The following USP47 variants were observed in gnomAD, a reference collection of about 807,000 sequenced individuals.
USP47 encodes the protein ubiquitin carboxyl-terminal hydrolase 47.
Under a neutral mutation model 165.1 loss-of-function variants are expected in USP47, and 35 were observed. The ratio of observed to expected loss-of-function variants is 0.21; its 90% CI spans 0.16 to 0.28. The LOEUF (loss-of-function observed/expected upper bound fraction) is 0.28. USP47 is among the 10% of genes least tolerant of loss of function. The probability of loss-of-function intolerance (pLI) is 1.00; values close to 1 mark genes in which losing one functional copy is unlikely to be tolerated. For synonymous variants in USP47, 531 were observed against 544.5 expected, an observed-to-expected ratio of 0.98 and a Z score of 0.35; for missense variants, 1,277 against 1,607.4, an observed-to-expected ratio of 0.79 and a Z score of 3.52.
At position 11,956,002 on chromosome 11, in the gene USP47, G is replaced by A; in HGVS notation, c.3895G>A (p.Asp1299Asn). ...CDDGAVIFYR[D>N]KTEELMELTD... ...ATGTGATTAATATTTTATATGTAGG[G>A]ATAAAACAGAAGAATTAATGGAATT... The change falls in exon 28 of 28, where the codon GAT (aspartate) becomes AAT (asparagine). Residue 1299 changes from aspartate (D) to asparagine (N), a missense_variant and splice_region_variant. Asp to Asn is a conservative substitution (Grantham distance 23). Coordinates refer to ENST00000527733, the MANE Select transcript of USP47 (RefSeq NM_001282659.2). 1 of 1,557,142 alleles carries A rather than the reference G, an allele frequency of 6.4e-7. No homozygotes were observed. Among genetic ancestry groups the A allele is most frequent in the Non-Finnish European group, 8.6e-7 (1 of 1,157,954 alleles).
chr11:11,954,183 G>A (rs1252364956), intron 25 of USP47, among the ~76,000 whole-genome samples: 1 of 152,154 alleles, frequency 6.6e-6, no homozygotes, highest in Non-Finnish European at 1.5e-5. Flanking sequence ...CCAGGAGGTG[G>A]AGGTTGCAGT....
chr11:11,896,604 A>G lies in USP47; in HGVS notation c.497-993A>G, dbSNP rs1005035190. Among the ~76,000 whole-genome samples the G allele has an allele frequency of 2.1e-4, 32 of 152,178 alleles. 1 individual carries two copies. The highest frequency in any genetic ancestry group is 7.5e-4 in the African/African-American group (31 of 41,428). ...TGTAAGTCATACACATTGCCCTCTCATGTGCATCTGCTGCTGTGCTAAGTA... is the reference window on the plus strand; with the variant it reads ...TGTAAGTCATACACATTGCCCTCTCGTGTGCATCTGCTGCTGTGCTAAGTA... On this transcript the variant is annotated intron_variant, in intron 4 of 27. Coordinates refer to ENST00000527733, the MANE Select transcript of USP47 (RefSeq NM_001282659.2).
At chr11:11,853,611 C>A (rs912484527) in intron 1 of USP47, among the ~76,000 whole-genome samples, 1 of 152,184 alleles carries the variant, frequency 6.6e-6, no homozygotes, top group Non-Finnish European at 1.5e-5. Flanking sequence ...CTGCATACTT[C>A]CATTTCCTTT....
rs757098547 is a variant in USP47 at position 11,922,810 on chromosome 11, C to T, written c.1305C>T (p.Ser435=). ...CHSDQMSNDF[S]NDDGVDEGIC... is the part of the protein sequence containing the mutation. ...GTGATCAGATGAGCAACGATTTCTC[C>T]AATGATGATGGTGTTGATGAAGGAA... The change falls in exon 11 of 28, where the codon TCC becomes TCT. Residue 435 remains serine, a synonymous_variant. Coordinates refer to ENST00000527733, the MANE Select transcript of USP47 (RefSeq NM_001282659.2). The T allele has an allele frequency of 8.7e-6, 14 of 1,611,328 alleles. No individual in the cohort carries two copies. In the South Asian group the frequency reaches 9.9e-5, roughly 11 times the overall value.
chr11:11,946,337 G>C (rs1855837565), intron 20 of USP47, among the ~76,000 whole-genome samples: 1 of 152,146 alleles, frequency 6.6e-6, no homozygotes, highest in Non-Finnish European at 1.5e-5. Flanking sequence ...GAACCAGTTG[G>C]TCATAATCAC....
chr11:11,911,606 T>G (rs1311769997), intron 8 of USP47, among the ~76,000 whole-genome samples: 1 of 151,490 alleles, frequency 6.6e-6, no homozygotes, highest in Non-Finnish European at 1.5e-5. Context: ...CCAAAATACA[T>G]GAAGGAAAAA....
rs754643278 is a variant in USP47, at chr11:11,922,847, A to G, written c.1342A>G (p.Thr448Ala). 1 of 1,610,932 alleles carries G rather than the reference A, an allele frequency of 6.2e-7. No individual in the cohort carries two copies. The highest frequency in any genetic ancestry group is 8.5e-7 in the Non-Finnish European group (1 of 1,178,128). ...TGTTGATGAAGGAATCTGTCTTGAA[A>G]CCAATAGTGGAACTGAAAAGATCTC... is the stretch of plus-strand genomic sequence containing the variant. The part of the protein sequence containing the change: ...DGVDEGICLE[T>A]NSGTEKISKS... Residue 448 changes from threonine to alanine, a missense_variant, in exon 11 of 28, where the codon ACC (threonine) becomes GCC (alanine). Thr to Ala is a moderately conservative substitution (Grantham distance 58). Around this residue, in one of 4 missense-constraint regions of USP47, gnomAD observed 175 missense variants for 295.8 expected, o/e 0.59. Coordinates refer to ENST00000527733, the MANE Select transcript of USP47 (RefSeq NM_001282659.2).
intron 3 of USP47, among the ~76,000 whole-genome samples, chr11:11,888,602 C>T (rs1184835562): frequency 6.6e-6 from 1 of 152,120 alleles, no homozygotes; most frequent in Admixed American, 6.5e-5. Context: ...AACAGATTTA[C>T]AGCTGAATTC....
chr11:11,922,886 G>C lies in USP47; in HGVS notation c.1381G>C (p.Glu461Gln), dbSNP rs773523446. Residue 461 changes from glutamate to glutamine, a missense_variant, in exon 11 of 28, where the codon GAA (glutamate) becomes CAA (glutamine). By Grantham distance (29) the Glu-to-Gln change is conservative. This residue lies in a region of USP47 where 909 missense variants were observed against 1,068.1 expected (regional missense o/e 0.85). Coordinates refer to ENST00000527733, the MANE Select transcript of USP47 (RefSeq NM_001282659.2). Reference sequence around the variant, plus strand: ...TGAAAAGATCTCAAAATCTGGACTTGAAAAGGTACCTTTTATAGTTTGCAT... The same window carrying C: ...TGAAAAGATCTCAAAATCTGGACTTCAAAAGGTACCTTTTATAGTTTGCAT... Reference protein sequence around the residue: ...GTEKISKSGLEKNSLIYELFS... With the variant: ...GTEKISKSGLQKNSLIYELFS... 2 of 1,608,936 alleles carry C rather than the reference G, an allele frequency of 1.2e-6. No individual in the cohort carries two copies. The highest frequency in any genetic ancestry group is 1.7e-6 in the Non-Finnish European group (2 of 1,177,086).
intron 13 of USP47, 53 bp downstream of exon 13, chr11:11,930,173 C>T (rs1854558133): frequency 6.7e-7 from 1 of 1,491,316 alleles, no homozygotes; most frequent in Non-Finnish European, 9.3e-7. Context: ...ATTATAGCTT[C>T]TCAGTGTTTT....
intron 5 of USP47, among the ~76,000 whole-genome samples, chr11:11,898,004 A>G (rs1363700746): frequency 1.3e-5 from 2 of 152,114 alleles, no homozygotes; most frequent in Admixed American, 1.3e-4. Flanking sequence ...TGCTTTTGAG[A>G]GAATTCGAAT....
At chr11:11,912,618 C>A (rs1437154076) in intron 8 of USP47, among the ~76,000 whole-genome samples, 1 of 151,714 alleles carries the variant, frequency 6.6e-6, no homozygotes, top group Non-Finnish European at 1.5e-5. Flanking sequence ...ACAGTGAACA[C>A]CAGGTCTGTA....
At chr11:11,842,301 T>A in intron 1 of USP47, 77 bp downstream of exon 1, 1 of 1,491,758 alleles carries the variant, frequency 6.7e-7, no homozygotes, top group Non-Finnish European at 9.0e-7. Context: ...GGGGTTCGGC[T>A]GCGGGCCCGG....
At chr11:11,933,690 G>T in intron 15 of USP47, 141 bp from the exon 16 acceptor site, 1 of 576,596 alleles carries the variant, frequency 1.7e-6, no homozygotes, top group Non-Finnish European at 3.0e-6. Flanking sequence ...ATTACTAAGT[G>T]AGAAAGAATA....
intron 1 of USP47, among the ~76,000 whole-genome samples, chr11:11,858,102 T>C (rs568230789): frequency 6.6e-6 from 1 of 152,364 alleles, no homozygotes; most frequent in South Asian, 2.1e-4. Flanking sequence ...TAGCCGCTGC[T>C]GGTGCAGTTC....
intron 3 of USP47, among the ~76,000 whole-genome samples, chr11:11,889,716 A>G (rs985176376): frequency 2.6e-5 from 4 of 152,216 alleles, no homozygotes; most frequent in Non-Finnish European, 5.9e-5. Flanking sequence ...TTTAAAATTC[A>G]TATGGAACCA....
In USP47 at chr11:11,843,463, T is replaced by G. The variant is rs374853025; in HGVS notation, c.39+1239T>G. On this transcript the variant is annotated intron_variant, in intron 1 of 27. Coordinates refer to ENST00000527733, the MANE Select transcript of USP47 (RefSeq NM_001282659.2). ...AATCAGAATTCTTGCCTTGGGAACT[T>G]TCTGAGCTACTAAGAAAGGGAACAC... Among the ~76,000 whole-genome samples, 26 of 152,320 alleles carry G rather than the reference T, an allele frequency of 1.7e-4. No individual in the cohort carries two copies. The East Asian group carries it at 4.2e-3, about 25-fold the overall frequency.
rs1847282611 is a variant in USP47, at chr11:11,957,996, A to T, written c.*1821A>T. 3 of 152,248 alleles carry T rather than the reference A, an allele frequency of 2.0e-5. No homozygotes were observed. In the South Asian group the frequency reaches 6.2e-4, roughly 31 times the overall value. The allele number at this position is 152,248 out of a possible 1,614,324, so 9.4% of individuals were successfully genotyped here. A position where few individuals can be genotyped will look rare whatever the true frequency, so the allele number is the denominator to read the frequency against. ...CAGAAGAAAATTGGAAACACTTGTGATGAATTGTCTTTCAGATCACTTAGA... is the reference window on the plus strand; with the variant it reads ...CAGAAGAAAATTGGAAACACTTGTGTTGAATTGTCTTTCAGATCACTTAGA... On this transcript the variant is annotated 3_prime_UTR_variant, in exon 28 of 28. Transcript: ENST00000527733.
rs899424444 is a variant in USP47 at position 11,846,701 on chromosome 11, A to C, written c.39+4477A>C. On this transcript the variant is annotated intron_variant, in intron 1 of 27. Coordinates refer to ENST00000527733, the MANE Select transcript of USP47 (RefSeq NM_001282659.2). ...ACAGCAACCTCAGAGTACATAAGAC[A>C]CATTGATAGCAAAAACAACTTATTT... Among the ~76,000 whole-genome samples, 77 of 152,278 alleles carry C rather than the reference A, an allele frequency of 5.1e-4. 1 individual carries two copies. The Middle Eastern group carries it at 0.01, about 20-fold the overall frequency.
Sources: allele counts gnomAD v4.1 joint callset (sites outside exome capture counted in the v4.1 genomes callset), GRCh38; gene constraint gnomAD v4.1.1; regional missense constraint gnomAD v4.1.1; transcripts MANE v1.5; gene names NCBI Gene and HGNC (gene_info 2026-07-23, HGNC 2026-07-21).